The following FRMD6 variants were observed in gnomAD, a reference collection of about 807,000 sequenced individuals.
FRMD6 encodes FERM domain containing 6, also known as FERM domain-containing protein 6.
In FRMD6, 37 loss-of-function variants were observed where a neutral mutation model predicts 73.2. That is an observed-to-expected ratio of 0.51 (90% CI 0.39 to 0.66). The LOEUF (loss-of-function observed/expected upper bound fraction) is 0.66, where lower values mean the gene tolerates loss of function less well. Ranked by LOEUF, FRMD6 falls within the 30% of genes least tolerant of loss-of-function variation. The probability of loss-of-function intolerance (pLI) is 0.00; values close to 1 mark genes in which losing one functional copy is unlikely to be tolerated. For synonymous variants in FRMD6, 273 were observed against 282.2 expected, an observed-to-expected ratio of 0.97 and a Z score of 0.33; for missense variants, 714 against 780.5, an observed-to-expected ratio of 0.91 and a Z score of 1.02.
chr14:51,642,373 C>T (rs562076364), intron 2 of FRMD6, among the ~76,000 whole-genome samples: 2 of 152,148 alleles, frequency 1.3e-5, no homozygotes, highest in East Asian at 1.9e-4. Flanking sequence ...AACCCTGTCT[C>T]TACTAATAAT....
At chr14:51,573,805 T>G (rs1888264013) in intron 2 of FRMD6, among the ~76,000 whole-genome samples, 1 of 152,178 alleles carries the variant, frequency 6.6e-6, no homozygotes, top group Non-Finnish European at 1.5e-5. Flanking sequence ...ATCATTTGCA[T>G]AAAGGAGTCA....
chr14:51,719,957 G>C (rs1219361172), intron 10 of FRMD6, 98 bp from the exon 11 acceptor site: 1 of 876,768 alleles, frequency 1.1e-6, no homozygotes, highest in African/African-American at 1.7e-5. Flanking sequence ...ACTAGATTCT[G>C]AATTTGAAGT....
intron 1 of FRMD6, among the ~76,000 whole-genome samples, chr14:51,547,008 C>T (rs1039585420): frequency 6.6e-6 from 1 of 151,674 alleles, no homozygotes; most frequent in Admixed American, 6.6e-5. Flanking sequence ...CTTCCTTAAC[C>T]AAGAATTAGA....
chr14:51,613,602 A>T (rs546405010), intron 2 of FRMD6, among the ~76,000 whole-genome samples: 1 of 152,174 alleles, frequency 6.6e-6, no homozygotes, highest in Admixed American at 6.5e-5. Context: ...CGCAACTCCA[A>T]ATGTAATCCA....
At chr14:51,594,134 T>C (rs1889564734) in intron 2 of FRMD6, among the ~76,000 whole-genome samples, 1 of 152,022 alleles carries the variant, frequency 6.6e-6, no homozygotes, top group African/African-American at 2.4e-5. Context: ...GTTTTGTTTG[T>C]TTGTTTTTGA....
At chr14:51,506,901 G>A (rs74052322) in intron 1 of FRMD6, among the ~76,000 whole-genome samples, 1,591 of 152,126 alleles carry the variant, frequency 0.01, 27 homozygotes, top group African/African-American at 0.036. Flanking sequence ...GTGATGCATC[G>A]TAGAATGAAA....
the FRMD6 span, among the ~76,000 whole-genome samples, chr14:51,403,660 C>T: frequency 1.3e-5 from 2 of 152,146 alleles, no homozygotes; most frequent in African/African-American, 2.4e-5. Context: ...TCTCAGCCTC[C>T]CAAAGTGCTC....
At chr14:51,472,533 G>C in the FRMD6 span, among the ~76,000 whole-genome samples, 6 of 152,158 alleles carry the variant, frequency 3.9e-5, no homozygotes, top group African/African-American at 1.4e-4. Flanking sequence ...TCGATCTCCT[G>C]ACCTCGTGAT....
the FRMD6 span, among the ~76,000 whole-genome samples, chr14:51,431,614 A>G: frequency 1.3e-5 from 2 of 152,242 alleles, no homozygotes; most frequent in East Asian, 1.9e-4. Context: ...CTGAAACATC[A>G]TAGATTTAGG....
chr14:51,522,631 A>C (rs1490693052), intron 1 of FRMD6, among the ~76,000 whole-genome samples: 2 of 152,166 alleles, frequency 1.3e-5, no homozygotes, highest in Non-Finnish European at 2.9e-5. Flanking sequence ...AGCATCATAA[A>C]AATATCATGG....
chr14:51,528,720 A>G (rs964804211), intron 1 of FRMD6, among the ~76,000 whole-genome samples: 6 of 152,210 alleles, frequency 3.9e-5, no homozygotes, highest in African/African-American at 1.4e-4. Flanking sequence ...TTTGAATACA[A>G]AGAGGAAATC....
intron 2 of FRMD6, among the ~76,000 whole-genome samples, chr14:51,619,006 G>GT (rs1413509788): frequency 6.6e-6 from 1 of 151,468 alleles, no homozygotes; most frequent in East Asian, 1.9e-4. Flanking sequence ...ATAATTTGTT[G>GT]TAAGACAAAA....
chr14:51,629,727 T>G (rs1029976745), intron 2 of FRMD6, among the ~76,000 whole-genome samples: 1 of 152,230 alleles, frequency 6.6e-6, no homozygotes, highest in Non-Finnish European at 1.5e-5. Context: ...CCAGGCTCTG[T>G]GCTGACTAGC....
intron 2 of FRMD6, among the ~76,000 whole-genome samples, chr14:51,638,686 C>A (rs998739626): frequency 6.6e-6 from 1 of 152,138 alleles, no homozygotes; most frequent in African/African-American, 2.4e-5. Flanking sequence ...AGCTGAGTTG[C>A]AGATGGAATG....
At chr14:51,424,522 A>C in the FRMD6 span, among the ~76,000 whole-genome samples, 8 of 127,802 alleles carry the variant, frequency 6.3e-5, no homozygotes, top group African/African-American at 1.8e-4. Flanking sequence ...GCTGAAAGGC[A>C]TTTAAATACA....
chr14:51,457,686 G>A, the FRMD6 span, among the ~76,000 whole-genome samples: 2 of 152,168 alleles, frequency 1.3e-5, no homozygotes, highest in Non-Finnish European at 2.9e-5. Context: ...GTAGCACTTC[G>A]CTGTAATTGG....
chr14:51,452,372 A>C, the FRMD6 span, among the ~76,000 whole-genome samples: 1 of 152,200 alleles, frequency 6.6e-6, no homozygotes. Flanking sequence ...CATCCTCAGA[A>C]GCCCTTCAGT....
intron 1 of FRMD6, among the ~76,000 whole-genome samples, chr14:51,544,575 G>A (rs1417458116): frequency 2.6e-5 from 4 of 151,468 alleles, no homozygotes; most frequent in Admixed American, 6.6e-5. Flanking sequence ...AATTCCTCAC[G>A]TTTGTGTCAT....
At chr14:51,446,784 C>T in the FRMD6 span, among the ~76,000 whole-genome samples, 1 of 152,040 alleles carries the variant, frequency 6.6e-6, no homozygotes, top group East Asian at 1.9e-4. Context: ...AAATCCTGAC[C>T]ATATTAAAAT....
Sources: gnomAD v4.1 joint callset for allele counts (sites outside exome capture counted in the v4.1 genomes callset) on GRCh38, gnomAD v4.1.1 for gene constraint, MANE v1.5 for transcripts, NCBI Gene and HGNC (gene_info 2026-07-23, HGNC 2026-07-21) for gene names.